CCSER1: variants seen among roughly 807,000 people sequenced by gnomAD.
The protein encoded by CCSER1 is coiled-coil serine rich protein 1.
Under a neutral mutation model 82.0 loss-of-function variants are expected in CCSER1, and 41 were observed. That is an observed-to-expected ratio of 0.50 (90% CI 0.39 to 0.65). CCSER1 has a LOEUF of 0.65. Ranked by LOEUF, CCSER1 falls within the 30% of genes least tolerant of loss-of-function variation. The pLI, the probability that CCSER1 is intolerant of heterozygous loss-of-function variation, is 0.00. For synonymous variants in CCSER1, 414 were observed against 383.9 expected (o/e 1.08, Z -0.92); for missense variants, 1,119 against 1,064.2 (o/e 1.05, Z -0.72).
chr4:90,487,500 G>T (rs116620816), intron 5 of CCSER1, among the ~76,000 whole-genome samples: 1,622 of 152,236 alleles, frequency 0.011, 31 homozygotes, highest in African/African-American at 0.036. Flanking sequence ...TATCATATAG[G>T]TTTTCAAATT....
intron 9 of CCSER1, among the ~76,000 whole-genome samples, chr4:91,083,177 A>G (rs181138640): frequency 0.01 from 1,528 of 152,338 alleles, 23 homozygotes; most frequent in African/African-American, 0.035. Flanking sequence ...TCCATCAATG[A>G]TAGACTGGAT....
At chr4:90,489,506 T>G (rs1029157903) in intron 5 of CCSER1, among the ~76,000 whole-genome samples, 1 of 152,150 alleles carries the variant, frequency 6.6e-6, no homozygotes, top group Non-Finnish European at 1.5e-5. Context: ...AGTACGTCAC[T>G]TCTAAATTCT....
At chr4:91,535,016 A>G (rs1447132486) in intron 10 of CCSER1, among the ~76,000 whole-genome samples, 1 of 151,898 alleles carries the variant, frequency 6.6e-6, no homozygotes, top group Non-Finnish European at 1.5e-5. Flanking sequence ...TGATTGTTAT[A>G]AACTCTACTA....
chr4:91,545,956 C>T (rs1761868598), intron 10 of CCSER1, among the ~76,000 whole-genome samples: 2 of 152,036 alleles, frequency 1.3e-5, no homozygotes, highest in African/African-American at 2.4e-5. Context: ...TCAAGAAGTT[C>T]CCCTATTCCT....
At chr4:90,797,823 G>A (rs1439094721) in intron 7 of CCSER1, among the ~76,000 whole-genome samples, 2 of 152,192 alleles carry the variant, frequency 1.3e-5, no homozygotes, top group Admixed American at 6.5e-5. Context: ...GGCTCATAGG[G>A]TTTCTGCTGA....
At chr4:90,744,722 C>G (rs1432117799) in intron 7 of CCSER1, among the ~76,000 whole-genome samples, 2 of 152,102 alleles carry the variant, frequency 1.3e-5, no homozygotes, top group African/African-American at 2.4e-5. Context: ...ACATTAGATT[C>G]TCATATGAGT....
chr4:91,016,581 C>G (rs961830921), intron 9 of CCSER1, among the ~76,000 whole-genome samples: 3 of 151,934 alleles, frequency 2.0e-5, no homozygotes, highest in Admixed American at 6.6e-5. Flanking sequence ...CTTCCTAACA[C>G]AATTATGTAT....
intron 7 of CCSER1, chr4:90,727,101 A>G: frequency 1.4e-5 from 5 of 359,100 alleles, no homozygotes; most frequent in Non-Finnish European, 2.7e-5. Context: ...TTTCTTTTAT[A>G]AGAACTGTCA....
At chr4:90,536,816 G>A (rs780934194) in intron 5 of CCSER1, among the ~76,000 whole-genome samples, 47 of 152,228 alleles carry the variant, frequency 3.1e-4, no homozygotes, top group Non-Finnish European at 2.5e-4. Context: ...CATGGTTATT[G>A]TTATTAAATT....
At chr4:90,843,060 C>T (rs1437859755) in intron 8 of CCSER1, among the ~76,000 whole-genome samples, 4 of 152,042 alleles carry the variant, frequency 2.6e-5, no homozygotes, top group Non-Finnish European at 1.5e-5. Context: ...AATAAATAAC[C>T]CTTAAGAGCT....
chr4:90,485,259 C>T (rs1766829515), intron 5 of CCSER1, among the ~76,000 whole-genome samples: 1 of 152,076 alleles, frequency 6.6e-6, no homozygotes. Context: ...CCCAATTTTC[C>T]AGGTGCTGTC....
chr4:91,125,800 A>G (rs1348286371), intron 10 of CCSER1, among the ~76,000 whole-genome samples: 5 of 151,312 alleles, frequency 3.3e-5, no homozygotes, highest in African/African-American at 1.2e-4. Flanking sequence ...AAAACTACCA[A>G]CATAAACCAA....
chr4:90,317,762 A>G (rs1165443227), intron 3 of CCSER1, among the ~76,000 whole-genome samples: 1 of 152,224 alleles, frequency 6.6e-6, no homozygotes, highest in Non-Finnish European at 1.5e-5. Flanking sequence ...CTCCTCCTGT[A>G]TTCAGGCTGT....
At chr4:90,937,827 T>A (rs1731143303) in intron 9 of CCSER1, among the ~76,000 whole-genome samples, 1 of 152,186 alleles carries the variant, frequency 6.6e-6, no homozygotes, top group Non-Finnish European at 1.5e-5. Context: ...TTTCTCTTTC[T>A]GTAGAACTCC....
intron 6 of CCSER1, among the ~76,000 whole-genome samples, chr4:90,643,124 A>G (rs1395056134): frequency 6.6e-6 from 1 of 152,124 alleles, no homozygotes; most frequent in Non-Finnish European, 1.5e-5. Flanking sequence ...GAAAACATGA[A>G]TATTGTTTTG....
rs1384745862 is a variant in CCSER1 at position 91,492,664 on chromosome 4, G to A, written c.2218-105908G>A. Among the ~76,000 whole-genome samples the A allele has an allele frequency of 2.0e-5, 3 of 152,026 alleles. No homozygotes were observed. The East Asian group carries it at 5.8e-4, about 29-fold the overall frequency. On this transcript the variant is annotated intron_variant, in intron 10 of 10. Coordinates refer to ENST00000509176, the MANE Select transcript of CCSER1 (RefSeq NM_001145065.2). ...TTATTAAATCTGTAACAAAGATGTTGTTGAAAATGTTTATGGATTTACAGA... is the reference window on the plus strand; with the variant it reads ...TTATTAAATCTGTAACAAAGATGTTATTGAAAATGTTTATGGATTTACAGA...
chr4:90,424,143 T>C (rs187282008), intron 4 of CCSER1, among the ~76,000 whole-genome samples: 55 of 151,322 alleles, frequency 3.6e-4, no homozygotes, highest in African/African-American at 1.3e-3. Flanking sequence ...ATCTATGATA[T>C]TGATGTGTTA....
chr4:91,582,094 G>T (rs1294222615), intron 10 of CCSER1, among the ~76,000 whole-genome samples: 1 of 151,606 alleles, frequency 6.6e-6, no homozygotes, highest in Non-Finnish European at 1.5e-5. Flanking sequence ...AAATATTCAG[G>T]ATCTCTTTCT....
chr4:90,942,826 T>C (rs1211928356), intron 9 of CCSER1, among the ~76,000 whole-genome samples: 1 of 150,102 alleles, frequency 6.7e-6, no homozygotes, highest in African/African-American at 2.4e-5. Flanking sequence ...CTCTAAGATA[T>C]AGTTTAGATT....
Sources: allele counts gnomAD v4.1 joint callset (sites outside exome capture counted in the v4.1 genomes callset), GRCh38; gene constraint gnomAD v4.1.1; transcripts MANE v1.5; gene names NCBI Gene and HGNC (gene_info 2026-07-23, HGNC 2026-07-21).